The following SLA variants were observed in gnomAD, a reference collection of about 807,000 sequenced individuals.
The protein encoded by SLA is src-like-adapter.
A neutral mutation model predicts 30.3 loss-of-function variants in SLA; 16 were observed. That is an observed-to-expected ratio of 0.53 (90% CI 0.36 to 0.80). The LOEUF is 0.80. SLA is among the 30% of genes least tolerant of loss of function. SLA has a pLI of 0.01. For missense variants in SLA, 310 were observed against 345.2 expected (o/e 0.90, Z 0.81); for synonymous variants, 143 against 137.8 (o/e 1.04, Z -0.26).
chr8:133,073,050 T>G (rs1439829407), intron 2 of SLA: 1 of 152,250 alleles, frequency 6.6e-6, no homozygotes, highest in African/African-American at 2.4e-5. Flanking sequence ...ACCTATTATC[T>G]CCTAGATAGT....
rs780775088 is a variant in SLA, at chr8:133,060,113, C to T, written c.48G>A (p.Leu16=). 3 of 1,605,378 alleles carry T rather than the reference C, an allele frequency of 1.9e-6. No homozygotes were observed. The highest frequency in any genetic ancestry group is 2.5e-6 in the Non-Finnish European group (3 of 1,177,442). The change falls in exon 3 of 9, where the codon CTG becomes CTA. Residue 16 remains leucine (L), a synonymous_variant. Transcript: ENST00000338087. ...KSTPAPAERP[L]PNPEGLDSDF... ...AGCCAGACTTACCCTCCGGGTTGGG[C>T]AGGGGCCTCTCGGCAGGCGCAGGGG...
chr8:133,079,777 G>A (rs1431611419), intron 1 of SLA, among the ~76,000 whole-genome samples: 1 of 152,158 alleles, frequency 6.6e-6, no homozygotes. Context: ...AGAAAACCAA[G>A]TGTAAGCTAA....
chr8:133,045,463 C>G (rs1038948717), intron 6 of SLA, among the ~76,000 whole-genome samples: 1 of 136,970 alleles, frequency 7.3e-6, no homozygotes, highest in Admixed American at 8.1e-5. Context: ...GGTGCCATCT[C>G]AGCTCACTGC....
intron 6 of SLA, among the ~76,000 whole-genome samples, chr8:133,046,066 G>C (rs1022736436): frequency 2.2e-4 from 34 of 152,186 alleles, no homozygotes; most frequent in African/African-American, 8.0e-4. Context: ...GCAATGACCT[G>C]ATATGGGTTG....
At chr8:133,053,432 C>A (rs1473077233) in intron 3 of SLA, among the ~76,000 whole-genome samples, 4 of 152,170 alleles carry the variant, frequency 2.6e-5, no homozygotes, top group Non-Finnish European at 4.4e-5. Context: ...TGCTGCAATG[C>A]CCCTTAAATA....
intron 3 of SLA, among the ~76,000 whole-genome samples, chr8:133,052,309 A>G (rs1416590733): frequency 6.6e-6 from 1 of 152,272 alleles, no homozygotes; most frequent in East Asian, 1.9e-4. Context: ...GGAACAGTGC[A>G]GTCAAATGTA....
At chr8:133,082,648 C>A (rs911600757) in intron 1 of SLA, among the ~76,000 whole-genome samples, 2 of 152,132 alleles carry the variant, frequency 1.3e-5, no homozygotes, top group African/African-American at 4.8e-5. Flanking sequence ...AAACACTCTG[C>A]CCTGGTATTT....
At chr8:133,066,115 A>G (rs1223355353) in intron 2 of SLA, among the ~76,000 whole-genome samples, 1 of 152,154 alleles carries the variant, frequency 6.6e-6, no homozygotes, top group African/African-American at 2.4e-5. Flanking sequence ...CGAGGTGAGG[A>G]GATCGAGACC....
intron 2 of SLA, among the ~76,000 whole-genome samples, chr8:133,065,989 C>T (rs541646817): frequency 6.6e-6 from 1 of 151,960 alleles, no homozygotes; most frequent in Non-Finnish European, 1.5e-5. Flanking sequence ...GAGAGCGAGG[C>T]CAGTTGAGGC....
At position 133,074,990 on chromosome 8, in the gene SLA, C is replaced by T; in HGVS notation, c.-178G>A. The T allele has an allele frequency of 1.0e-6, 1 of 985,502 alleles. No individual in the cohort carries two copies. Among genetic ancestry groups the T allele is most frequent in the Non-Finnish European group, 1.2e-6 (1 of 829,982 alleles). The allele number at this position is 985,502 out of a possible 1,614,324, so 61.0% of individuals were successfully genotyped here. A position where few individuals can be genotyped will look rare whatever the true frequency, so the allele number is the denominator to read the frequency against. On this transcript the variant is annotated 5_prime_UTR_variant, in exon 2 of 9. Coordinates refer to ENST00000338087, the MANE Select transcript of SLA (RefSeq NM_001045556.3). ...CGGGCTTCTCGCGGTTGTGGAGAAG[C>T]AGCCCATGCTACACAGAAGAACTGC...
At chr8:133,099,584 C>G (rs1402706150) in intron 1 of SLA, among the ~76,000 whole-genome samples, 1 of 152,198 alleles carries the variant, frequency 6.6e-6, no homozygotes, top group Admixed American at 6.5e-5. Context: ...CATAGTGTCT[C>G]ATCCATAACA....
intron 2 of SLA, among the ~76,000 whole-genome samples, chr8:133,071,212 A>C (rs917034432): frequency 6.6e-6 from 1 of 152,168 alleles, no homozygotes; most frequent in Non-Finnish European, 1.5e-5. Flanking sequence ...TGTACTCTCC[A>C]CTTGACCTCC....
At chr8:133,069,638 AG>A (rs1843650338) in intron 2 of SLA, among the ~76,000 whole-genome samples, 1 of 152,130 alleles carries the variant, frequency 6.6e-6, no homozygotes, top group Non-Finnish European at 1.5e-5. Context: ...AGCAGCCAGC[AG>A]GTTTGTTTCT....
rs62516000 is a variant in SLA, at chr8:133,037,654, G to A, written c.*870C>T. 1 of 146,582 alleles carries A rather than the reference G, an allele frequency of 6.8e-6. No homozygotes were observed. The highest frequency in any genetic ancestry group is 1.5e-5 in the Non-Finnish European group (1 of 66,744). 9.1% of individuals were successfully genotyped at this position (146,582 alleles called of 1,614,324 possible). ...CTTACGCATCTTTTTTTTTTTTTTG[G>A]CTTGCCTGACACCTTACAGAGGACT... On this transcript the variant is annotated 3_prime_UTR_variant, in exon 9 of 9. Coordinates refer to ENST00000338087, the MANE Select transcript of SLA (RefSeq NM_001045556.3).
intron 2 of SLA, among the ~76,000 whole-genome samples, chr8:133,065,768 TAATAAAATAAAATAA>T (rs60174705): frequency 0.014 from 2,051 of 150,806 alleles, 56 homozygotes; most frequent in African/African-American, 0.048. Flanking sequence ...GTCTCAAAAA[TAATAAAATAAAATAA>T]AATAAAATAA....
At chr8:133,064,901 G>C (rs79167208) in intron 2 of SLA, among the ~76,000 whole-genome samples, 1 of 152,082 alleles carries the variant, frequency 6.6e-6, no homozygotes, top group African/African-American at 2.4e-5. Context: ...CCCCTTTATC[G>C]TGCACCGAAG....
chr8:133,050,755 T>C, intron 4 of SLA, 61 bp downstream of exon 4: 2 of 1,108,878 alleles, frequency 1.8e-6, no homozygotes. Context: ...TCAAATACTT[T>C]TCTCCCAAAC....
chr8:133,057,728 A>G (rs973713377), intron 3 of SLA, among the ~76,000 whole-genome samples: 3 of 151,956 alleles, frequency 2.0e-5, no homozygotes, highest in African/African-American at 7.3e-5. Flanking sequence ...TGAGAAATTG[A>G]CTAATCAAGA....
At chr8:133,040,397 G>A (rs1180693940) in intron 7 of SLA, 5 of 414,650 alleles carry the variant, frequency 1.2e-5, no homozygotes, top group Non-Finnish European at 2.2e-5. Context: ...AACCAAGCTT[G>A]GGTTTGAATT....
Sources: allele counts gnomAD v4.1 joint callset (sites outside exome capture counted in the v4.1 genomes callset), GRCh38; gene constraint gnomAD v4.1.1; transcripts MANE v1.5; gene names NCBI Gene and HGNC (gene_info 2026-07-23, HGNC 2026-07-21).